TECRL: variants seen among roughly 807,000 people sequenced by gnomAD.
TECRL encodes the protein trans-2,3-enoyl-CoA reductase like.
A neutral mutation model predicts 52.8 loss-of-function variants in TECRL; 63 were observed. The observed-to-expected ratio is 1.19, with a 90% CI of 0.97 to 1.47. The LOEUF (loss-of-function observed/expected upper bound fraction) is 1.47. Among genes scored for constraint, TECRL ranks in the 40% most tolerant of loss-of-function variants. TECRL has a pLI of 0.00. For missense variants in TECRL, 482 were observed against 429.6 expected, an observed-to-expected ratio of 1.12 and a Z score of -1.08; for synonymous variants, 164 against 141.9, an observed-to-expected ratio of 1.16 and a Z score of -1.10.
chr4:64,349,940 CAG>C (rs1192340167), intron 2 of TECRL, among the ~76,000 whole-genome samples: 1 of 152,136 alleles, frequency 6.6e-6, no homozygotes, highest in Non-Finnish European at 1.5e-5. Context: ...TATATTTTTT[CAG>C]AGTTGATTTC....
At chr4:64,297,081 G>T (rs913082171) in intron 8 of TECRL, among the ~76,000 whole-genome samples, 1 of 151,376 alleles carries the variant, frequency 6.6e-6, no homozygotes, top group African/African-American at 2.4e-5. Flanking sequence ...CACCAAATAG[G>T]AACCTGATTT....
intron 1 of TECRL, among the ~76,000 whole-genome samples, chr4:64,396,509 T>G (rs966449799): frequency 6.6e-6 from 1 of 152,092 alleles, no homozygotes; most frequent in African/African-American, 2.4e-5. Flanking sequence ...TTGTTTGTTT[T>G]TTTGCATGTT....
chr4:64,312,552 AG>A (rs1159448331), intron 5 of TECRL, among the ~76,000 whole-genome samples: 2 of 152,102 alleles, frequency 1.3e-5, no homozygotes, highest in Non-Finnish European at 1.5e-5. Context: ...CCTTGAGCCC[AG>A]GAGTTCAAGA....
At position 64,281,511 on chromosome 4, in the gene TECRL, A is replaced by G; in HGVS notation, c.881T>C (p.Met294Thr). 6.2e-7 allele frequency: 1 copy of G among 1,605,570 alleles called. No homozygotes were observed. Among genetic ancestry groups the G allele is most frequent in the South Asian group, 1.1e-5 (1 of 90,154 alleles). ...GTTAGGACATGAAACCAGGAAAAAC[A>G]TCCATGTGAAGGGGTTATAATTTGG... Reference protein sequence around the residue: ...PSPNYNPFTWMFFLVSCPNYT... With the variant: ...PSPNYNPFTWTFFLVSCPNYT... The change falls in exon 10 of 12, where the codon ATG becomes ACG. Residue 294 changes from methionine to threonine, a missense_variant. Physicochemically the swap from Met to Thr is moderately conservative, Grantham distance 81 (BLOSUM62 -1). Transcript: ENST00000381210.
At position 64,280,163 on chromosome 4, in the gene TECRL, G is replaced by T; in HGVS notation, c.1001C>A (p.Ser334Tyr). Reference sequence around the variant, plus strand: ...CTTATGTTTCTTTTGTGCCCACAAAGACATCTGGATACTCATCAGAAGTGT... The same window carrying T: ...CTTATGTTTCTTTTGTGCCCACAAATACATCTGGATACTCATCAGAAGTGT... Reference protein sequence around the residue: ...IFTLLMSIQMSLWAQKKHKIY... With the variant: ...IFTLLMSIQMYLWAQKKHKIY... The change falls in exon 12 of 12, where the codon TCT becomes TAT. Residue 334 changes from serine to tyrosine, a missense_variant. Ser to Tyr is a moderately radical substitution (Grantham distance 144). Coordinates refer to ENST00000381210, the MANE Select transcript of TECRL (RefSeq NM_001010874.5). 2 of 1,600,620 alleles carry T rather than the reference G, an allele frequency of 1.2e-6. No individual in the cohort carries two copies. The highest frequency in any genetic ancestry group is 8.5e-7 in the Non-Finnish European group (1 of 1,174,024).
At chr4:64,300,118 A>T in intron 7 of TECRL, 101 bp from the exon 8 acceptor site, 1 of 829,600 alleles carries the variant, frequency 1.2e-6, no homozygotes, top group Admixed American at 2.5e-5. Context: ...TAAATTCTAT[A>T]ATCAATAGAA....
At chr4:64,289,311 G>A (rs1191403472) in intron 9 of TECRL, among the ~76,000 whole-genome samples, 1 of 152,172 alleles carries the variant, frequency 6.6e-6, no homozygotes, top group African/African-American at 2.4e-5. Context: ...ATTACAAAAA[G>A]AAAAACTAAA....
rs917763596 is a variant in TECRL, at chr4:64,278,087, C to G, written c.*1985G>C. 1 of 149,244 alleles carries G rather than the reference C, an allele frequency of 6.7e-6. No individual in the cohort carries two copies. Among genetic ancestry groups the G allele is most frequent in the Non-Finnish European group, 1.5e-5 (1 of 66,956 alleles). 9.2% of individuals were successfully genotyped at this position (149,244 alleles called of 1,614,324 possible). ...ATGTGTATATATATACACATATACA[C>G]ACGTACACACATATTTTGAAATATA... On this transcript the variant is annotated 3_prime_UTR_variant, in exon 12 of 12. Coordinates refer to ENST00000381210, the MANE Select transcript of TECRL (RefSeq NM_001010874.5).
At chr4:64,401,589 GT>G (rs1244863914) in intron 1 of TECRL, among the ~76,000 whole-genome samples, 1 of 152,028 alleles carries the variant, frequency 6.6e-6, no homozygotes, top group Non-Finnish European at 1.5e-5. Context: ...ATTGTAATTT[GT>G]TTTAAATGTG....
chr4:64,339,599 C>T (rs1320657532), intron 2 of TECRL, among the ~76,000 whole-genome samples: 2 of 152,034 alleles, frequency 1.3e-5, no homozygotes, highest in Non-Finnish European at 2.9e-5. Flanking sequence ...CACATCCTCT[C>T]CTCCACTATT....
intron 1 of TECRL, chr4:64,397,898 A>ATGTGTGTGTGTGTGTATGTGTG (rs1724069222): frequency 6.7e-6 from 1 of 150,080 alleles, no homozygotes; most frequent in Non-Finnish European, 1.5e-5. Context: ...GGAAAGAAAT[A>ATGTGTGTGTGTGTGTATGTGTG]TGTGTGTGTG....
chr4:64,356,256 G>A (rs1720761912), intron 2 of TECRL, among the ~76,000 whole-genome samples: 1 of 152,040 alleles, frequency 6.6e-6, no homozygotes, highest in Non-Finnish European at 1.5e-5. Flanking sequence ...TGGCCTCCTG[G>A]GATGCGAAAG....
chr4:64,334,786 T>C, intron 2 of TECRL, among the ~76,000 whole-genome samples: 1 of 152,204 alleles, frequency 6.6e-6, no homozygotes, highest in East Asian at 1.9e-4. Flanking sequence ...TTGCCTGTGA[T>C]ACGAAGCACA....
chr4:64,368,768 A>G (rs1721788559), intron 2 of TECRL, among the ~76,000 whole-genome samples: 1 of 152,076 alleles, frequency 6.6e-6, no homozygotes, highest in Admixed American at 6.6e-5. Context: ...AGCCTTGTCC[A>G]GGGGACTGCT....
chr4:64,286,503 A>T (rs76712902), intron 9 of TECRL, among the ~76,000 whole-genome samples: 2,498 of 151,474 alleles, frequency 0.016, 70 homozygotes, highest in African/African-American at 0.057. Context: ...ACTAATTTTA[A>T]AATTGTAATT....
chr4:64,394,556 T>G (rs553270734), intron 1 of TECRL, among the ~76,000 whole-genome samples: 1 of 152,306 alleles, frequency 6.6e-6, no homozygotes, highest in Non-Finnish European at 1.5e-5. Context: ...TTTACATACA[T>G]TTTACAAATG....
chr4:64,313,977 CAAAAAAAAAAAAAA>C (rs752037972), intron 5 of TECRL, among the ~76,000 whole-genome samples: 3 of 61,960 alleles, frequency 4.8e-5, no homozygotes, highest in African/African-American at 1.5e-4. Flanking sequence ...ACTAAAAATA[CAAAAAAAAAAAAAA>C]AAAAAAAAAT....
intron 2 of TECRL, among the ~76,000 whole-genome samples, chr4:64,363,713 C>CA (rs1721361869): frequency 6.6e-6 from 1 of 152,130 alleles, no homozygotes; most frequent in Non-Finnish European, 1.5e-5. Context: ...CCAGTATAAG[C>CA]ATGTCAGGGC....
intron 3 of TECRL, among the ~76,000 whole-genome samples, chr4:64,323,983 A>C (rs2110034261): frequency 6.6e-6 from 1 of 152,250 alleles, no homozygotes; most frequent in South Asian, 2.1e-4. Context: ...ATTAACATTT[A>C]AAACCGTGGG....
Sources: gnomAD v4.1 joint callset for allele counts (sites outside exome capture counted in the v4.1 genomes callset) on GRCh38, gnomAD v4.1.1 for gene constraint, MANE v1.5 for transcripts, NCBI Gene and HGNC (gene_info 2026-07-23, HGNC 2026-07-21) for gene names.